Variants in CPA6 observed in about 807,000 individuals in gnomAD.
CPA6 encodes carboxypeptidase B.
A neutral mutation model predicts 63.3 loss-of-function variants in CPA6; 58 were observed. That is an observed-to-expected ratio of 0.92 (90% CI 0.74 to 1.14). The LOEUF is 1.14. Ranked by LOEUF, CPA6 falls within the 50% of genes most tolerant of loss-of-function variation. The pLI is 0.00. For missense variants in CPA6, 565 were observed against 526.6 expected, an observed-to-expected ratio of 1.07 and a Z score of -0.71; for synonymous variants, 185 against 179.0, an observed-to-expected ratio of 1.03 and a Z score of -0.27.
At chr8:67,699,389 C>T (rs1440798527) in intron 1 of CPA6, among the ~76,000 whole-genome samples, 2 of 151,916 alleles carry the variant, frequency 1.3e-5, no homozygotes, top group African/African-American at 4.8e-5. Context: ...GCCCAGATCA[C>T]CCCACTGCAC....
intron 1 of CPA6, among the ~76,000 whole-genome samples, chr8:67,630,355 G>A (rs999406478): frequency 3.9e-5 from 6 of 151,990 alleles, no homozygotes; most frequent in Non-Finnish European, 7.3e-5. Flanking sequence ...TGGGATGTGG[G>A]GGGAAACTGA....
chr8:67,627,071 T>C (rs575334115), intron 1 of CPA6, among the ~76,000 whole-genome samples: 1 of 152,258 alleles, frequency 6.6e-6, no homozygotes, highest in African/African-American at 2.4e-5. Flanking sequence ...AGAAATGAAT[T>C]TATTGCTGTT....
chr8:67,477,900 G>A (rs1393898), intron 8 of CPA6, among the ~76,000 whole-genome samples: 57,599 of 152,028 alleles, frequency 0.38, 11,211 homozygotes, highest in African/African-American at 0.48. Flanking sequence ...TGTGAAATAT[G>A]TATTTGGTCT....
chr8:67,715,752 C>A (rs949212391), intron 1 of CPA6, among the ~76,000 whole-genome samples: 4 of 152,192 alleles, frequency 2.6e-5, no homozygotes, highest in Non-Finnish European at 5.9e-5. Context: ...GTAACAAAAT[C>A]TCCTTTAGAA....
At chr8:67,435,936 C>T (rs1267307507) in intron 8 of CPA6, among the ~76,000 whole-genome samples, 1 of 151,576 alleles carries the variant, frequency 6.6e-6, no homozygotes, top group Non-Finnish European at 1.5e-5. Context: ...CTTAGGGCCC[C>T]CTACCCCACT....
intron 2 of CPA6, among the ~76,000 whole-genome samples, chr8:67,614,614 A>G (rs1035932604): frequency 6.6e-6 from 1 of 152,132 alleles, no homozygotes; most frequent in African/African-American, 2.4e-5. Flanking sequence ...ATAATACTAG[A>G]AATCTTTCCC....
chr8:67,606,849 A>T (rs1342403890), intron 2 of CPA6, among the ~76,000 whole-genome samples: 1 of 152,204 alleles, frequency 6.6e-6, no homozygotes, highest in Non-Finnish European at 1.5e-5. Context: ...CCTTGGAGGC[A>T]AGCAACTTTT....
chr8:67,503,571 G>C (rs1811872246), intron 6 of CPA6, among the ~76,000 whole-genome samples: 1 of 150,502 alleles, frequency 6.6e-6, no homozygotes. Context: ...GCCTCCCGAA[G>C]TGCTGGGATT....
At chr8:67,527,946 C>T (rs144265017) in intron 2 of CPA6, among the ~76,000 whole-genome samples, 53 of 152,308 alleles carry the variant, frequency 3.5e-4, no homozygotes, top group African/African-American at 1.2e-3. Flanking sequence ...TGTGAATGTG[C>T]GGAGGATCCG....
intron 1 of CPA6, among the ~76,000 whole-genome samples, chr8:67,734,010 A>C (rs1211390018): frequency 1.3e-5 from 2 of 151,196 alleles, no homozygotes; most frequent in Non-Finnish European, 2.9e-5. Context: ...TAGTAGTGGA[A>C]GTGCAGGCAT....
chr8:67,595,157 T>C (rs1388999336), intron 2 of CPA6, among the ~76,000 whole-genome samples: 1 of 152,190 alleles, frequency 6.6e-6, no homozygotes, highest in Non-Finnish European at 1.5e-5. Flanking sequence ...CCAGACCCTG[T>C]TTGCCTGGGT....
intron 1 of CPA6, among the ~76,000 whole-genome samples, chr8:67,711,015 G>A (rs1337541123): frequency 6.6e-6 from 1 of 152,080 alleles, no homozygotes; most frequent in African/African-American, 2.4e-5. Flanking sequence ...TCCCATCTTT[G>A]CATCTTGCTC....
intron 2 of CPA6, among the ~76,000 whole-genome samples, chr8:67,543,129 C>T (rs1812741910): frequency 6.6e-6 from 1 of 152,162 alleles, no homozygotes; most frequent in Non-Finnish European, 1.5e-5. Flanking sequence ...TTCTCAAAAG[C>T]CCTGCTATTT....
chr8:67,663,585 A>G (rs1433278678), intron 1 of CPA6, among the ~76,000 whole-genome samples: 3 of 151,416 alleles, frequency 2.0e-5, no homozygotes, highest in Non-Finnish European at 4.4e-5. Context: ...ATGTGTTCTC[A>G]TTGGTCAGCT....
intron 8 of CPA6, among the ~76,000 whole-genome samples, chr8:67,470,300 G>C (rs1587461245): frequency 6.6e-6 from 1 of 152,056 alleles, no homozygotes; most frequent in Admixed American, 6.6e-5. Flanking sequence ...GAAGTGCTGG[G>C]ATTACAAGTG....
intron 2 of CPA6, among the ~76,000 whole-genome samples, chr8:67,590,914 C>A (rs947383342): frequency 4.2e-4 from 64 of 151,786 alleles, no homozygotes; most frequent in Non-Finnish European, 1.2e-4. Context: ...TCAATTTTGG[C>A]TTTTGTTGCC....
At chr8:67,483,566 C>T (rs1268663931) in intron 8 of CPA6, 2 of 575,914 alleles carry the variant, frequency 3.5e-6, no homozygotes, top group Admixed American at 3.1e-5. Flanking sequence ...ATTTAAAATC[C>T]TTGATTTTTA....
intron 6 of CPA6, among the ~76,000 whole-genome samples, chr8:67,488,586 G>A (rs1350159671): frequency 6.6e-6 from 1 of 152,146 alleles, no homozygotes; most frequent in Non-Finnish European, 1.5e-5. Context: ...CCAATTCTGT[G>A]AAGAAAGTCA....
At chr8:67,444,990 A>G (rs2128954606) in intron 8 of CPA6, among the ~76,000 whole-genome samples, 1 of 152,300 alleles carries the variant, frequency 6.6e-6, no homozygotes. Context: ...AATGCAGAAA[A>G]GAATTTCATT....
Sources: allele counts gnomAD v4.1 joint callset (sites outside exome capture counted in the v4.1 genomes callset), GRCh38; gene constraint gnomAD v4.1.1; transcripts MANE v1.5; gene names NCBI Gene and HGNC (gene_info 2026-07-23, HGNC 2026-07-21).